ZNF700: variants seen among roughly 807,000 people sequenced by gnomAD.
ZNF700 encodes the protein zinc finger protein 700.
A neutral mutation model predicts 65.3 loss-of-function variants in ZNF700; 38 were observed. That is an observed-to-expected ratio of 0.58 (90% CI 0.45 to 0.76). The LOEUF (loss-of-function observed/expected upper bound fraction) is 0.76. Among genes scored for constraint, ZNF700 ranks in the 30% least tolerant of loss-of-function variants. The pLI is 0.00. For missense variants in ZNF700, 857 were observed against 888.4 expected (o/e 0.96, Z 0.45); for synonymous variants, 285 against 290.4 (o/e 0.98, Z 0.19).
rs1265504443 is a variant in ZNF700, at chr19:11,934,960, CAGG to C, written c.63+9691_63+9693del. ...CTTTGGGAGGCCAAGGCGGGTGGAT[CAGG>C]AGGTCAGATCAAGACCATCCTGGCT... On this transcript the variant is annotated intron_variant, in intron 1 of 3. Transcript: ENST00000254321. Among the ~76,000 whole-genome samples, 10 of 147,106 alleles carry C rather than the reference CAGG, an allele frequency of 6.8e-5. 1 individual carries two copies. The highest frequency in any genetic ancestry group is 8.0e-5 in the African/African-American group (3 of 37,348).
Position 11,949,555 on chromosome 19 carries a change from A to AT in ZNF700, c.1531_1532insT (p.Ser511MetfsTer4), listed in dbSNP as rs762765624. 6.2e-7 allele frequency: 1 copy of AT among 1,611,484 alleles called. No individual in the cohort carries two copies. Among genetic ancestry groups the AT allele is most frequent in the Non-Finnish European group, 8.5e-7 (1 of 1,179,504 alleles). On this transcript the variant is annotated frameshift_variant, in exon 4 of 4. Coordinates refer to ENST00000254321, the MANE Select transcript of ZNF700 (RefSeq NM_144566.3). LOFTEE classifies it high-confidence loss of function. ...CTCTGGAGAAAGACCTTATAAATGT[A>AT]GTATATGTGAGAAAGGCTTTTATTC...
intron 1 of ZNF700, among the ~76,000 whole-genome samples, chr19:11,937,185 T>C (rs1399987126): frequency 6.6e-6 from 1 of 152,226 alleles, no homozygotes; most frequent in African/African-American, 2.4e-5. Context: ...TCACAAGTGT[T>C]ACGTTCTAGA....
chr19:11,925,127 G>T lies in ZNF700; in HGVS notation c.-84G>T. 1 of 1,537,304 alleles carries T rather than the reference G, an allele frequency of 6.5e-7. No homozygotes were observed. The highest frequency in any genetic ancestry group is 8.9e-7 in the Non-Finnish European group (1 of 1,123,744). ...GCTTTCCTCACCTTCCTCGCTGCGC[G>T]GGCGGCGGTTGGTAACCGGTCAGAC... is the stretch of plus-strand genomic sequence containing the variant. On this transcript the variant is annotated 5_prime_UTR_variant, in exon 1 of 4. Coordinates refer to ENST00000254321, the MANE Select transcript of ZNF700 (RefSeq NM_144566.3).
At chr19:11,936,627 A>G (rs1393835932) in intron 1 of ZNF700, among the ~76,000 whole-genome samples, 4 of 152,050 alleles carry the variant, frequency 2.6e-5, no homozygotes, top group Non-Finnish European at 5.9e-5. Context: ...ATTTTCTCTC[A>G]TTCTATAGGT....
chr19:11,934,154 G>C (rs988144700), intron 1 of ZNF700, among the ~76,000 whole-genome samples: 1 of 147,970 alleles, frequency 6.8e-6, no homozygotes, highest in Non-Finnish European at 1.5e-5. Flanking sequence ...GAACAGCCTG[G>C]TAGATACAGT....
chr19:11,945,111 T>C (rs1468727035), intron 1 of ZNF700, among the ~76,000 whole-genome samples: 1 of 152,258 alleles, frequency 6.6e-6, no homozygotes, highest in Admixed American at 6.5e-5. Context: ...TCTGACACAG[T>C]GTAAAAGGCT....
At chr19:11,931,159 T>C (rs1972707747) in intron 1 of ZNF700, among the ~76,000 whole-genome samples, 6 of 148,240 alleles carry the variant, frequency 4.0e-5, no homozygotes, top group Admixed American at 4.0e-4. Flanking sequence ...TTAGTCATCT[T>C]GGGCTGCTAT....
At chr19:11,928,482 C>T (rs889997764) in intron 1 of ZNF700, among the ~76,000 whole-genome samples, 8 of 149,646 alleles carry the variant, frequency 5.3e-5, no homozygotes, top group Non-Finnish European at 1.0e-4. Flanking sequence ...CCTGTAATCC[C>T]AGCACTTTGG....
rs1371065877 is a variant in ZNF700 at position 11,935,131 on chromosome 19, G to C, written c.63+9858G>C. On this transcript the variant is annotated intron_variant, in intron 1 of 3. Transcript: ENST00000254321. Reference sequence around the variant, plus strand: ...GCGGAGCTTGCAGTGGGCCGAGATGGCACCACTGCACTCCAGCCTGGGCGA... The same window carrying C: ...GCGGAGCTTGCAGTGGGCCGAGATGCCACCACTGCACTCCAGCCTGGGCGA... Among the ~76,000 whole-genome samples, 270 of 125,198 alleles carry C rather than the reference G, an allele frequency of 2.2e-3. 4 individuals carry two copies. Among genetic ancestry groups the C allele is most frequent in the Middle Eastern group, 0.013 (3 of 234 alleles). 82.1% of individuals were successfully genotyped at this position (125,198 alleles called of 152,430 possible).
rs1972605354 is a variant in ZNF700, at chr19:11,925,208, G to T, written c.-3G>T. ...AGGCTTCTGTCGCTCTGTCGCCTGC[G>T]CTATGCCCTGCTGTAGTCACAGGAG... On this transcript the variant is annotated 5_prime_UTR_variant, in exon 1 of 4. Coordinates refer to ENST00000254321, the MANE Select transcript of ZNF700 (RefSeq NM_144566.3). 6.2e-7 allele frequency: 1 copy of T among 1,612,312 alleles called. No homozygotes were observed.
intron 1 of ZNF700, among the ~76,000 whole-genome samples, chr19:11,936,053 C>T (rs1260368305): frequency 6.6e-6 from 1 of 152,170 alleles, no homozygotes; most frequent in Non-Finnish European, 1.5e-5. Flanking sequence ...TTTTTTATGG[C>T]TGCGTAGTAT....
At position 11,948,389 on chromosome 19, in the gene ZNF700, A is replaced by G. The variant is rs1972995664; in HGVS notation, c.365A>G (p.Glu122Gly). The change falls in exon 4 of 4, where the codon GAA (glutamate) becomes GGA (glycine). Residue 122 changes from glutamate (E) to glycine (G), a missense_variant. Glu to Gly is a moderately conservative substitution (Grantham distance 98). This residue lies in a region of ZNF700 where 603 missense variants were observed against 619.9 expected (regional missense o/e 0.97). Coordinates refer to ENST00000254321, the MANE Select transcript of ZNF700 (RefSeq NM_144566.3). Reference sequence around the variant, plus strand: ...TTCCAGGAGAAGAAAGCTTCTCCTGAAGTAAAATCATGTGACAGCTTTGTG... The same window carrying G: ...TTCCAGGAGAAGAAAGCTTCTCCTGGAGTAAAATCATGTGACAGCTTTGTG... ...LNFQEKKASP[E>G]VKSCDSFVCA... 2 of 1,613,930 alleles carry G rather than the reference A, an allele frequency of 1.2e-6. No individual in the cohort carries two copies. Among genetic ancestry groups the G allele is most frequent in the Non-Finnish European group, 1.7e-6 (2 of 1,179,938 alleles).
intron 1 of ZNF700, among the ~76,000 whole-genome samples, chr19:11,942,021 G>C (rs1972893276): frequency 6.6e-6 from 1 of 152,032 alleles, no homozygotes; most frequent in Non-Finnish European, 1.5e-5. Context: ...GGCCTCTTGT[G>C]CACTTAGGGT....
At chr19:11,946,020 G>A (rs527970570) in intron 1 of ZNF700, among the ~76,000 whole-genome samples, 3 of 152,192 alleles carry the variant, frequency 2.0e-5, no homozygotes, top group South Asian at 2.1e-4. Flanking sequence ...CACCAGTATC[G>A]ACAAGAAACT....
At chr19:11,932,588 A>G (rs2145277405) in intron 1 of ZNF700, among the ~76,000 whole-genome samples, 1 of 146,806 alleles carries the variant, frequency 6.8e-6, no homozygotes, top group East Asian at 1.9e-4. Context: ...ACCCATCCAC[A>G]TCAGTATATT....
intron 1 of ZNF700, among the ~76,000 whole-genome samples, chr19:11,936,978 G>A (rs188447682): frequency 1.9e-4 from 29 of 152,228 alleles, no homozygotes; most frequent in East Asian, 1.2e-3. Flanking sequence ...TGTCAGGTTC[G>A]TCAAAGATCA....
chr19:11,932,884 G>A (rs1972736225), intron 1 of ZNF700, among the ~76,000 whole-genome samples: 1 of 148,272 alleles, frequency 6.7e-6, no homozygotes, highest in Non-Finnish European at 1.5e-5. Context: ...TGATCCGCCT[G>A]CCTCAGCCTC....
intron 1 of ZNF700, 131 bp from the exon 2 acceptor site, chr19:11,947,050 G>T (rs1186355364): frequency 1.9e-5 from 27 of 1,400,326 alleles, no homozygotes; most frequent in Non-Finnish European, 2.6e-5. Flanking sequence ...GGAGAGAAAG[G>T]GATCTGATAA....
intron 1 of ZNF700, among the ~76,000 whole-genome samples, chr19:11,925,893 G>C (rs1370456105): frequency 6.6e-6 from 1 of 152,196 alleles, no homozygotes; most frequent in Non-Finnish European, 1.5e-5. Context: ...AGACAGTTTG[G>C]TTTTATTCAT....
Sources: allele counts gnomAD v4.1 joint callset (sites outside exome capture counted in the v4.1 genomes callset), GRCh38; gene constraint gnomAD v4.1.1; regional missense constraint gnomAD v4.1.1; transcripts MANE v1.5; gene names NCBI Gene and HGNC (gene_info 2026-07-23, HGNC 2026-07-21).